The following HAPLN1 variants were observed in gnomAD, a reference collection of about 807,000 sequenced individuals.
The protein encoded by HAPLN1 is hyaluronan and proteoglycan link protein 1.
Under a neutral mutation model 36.5 loss-of-function variants are expected in HAPLN1, and 13 were observed. That is an observed-to-expected ratio of 0.36 (90% CI 0.23 to 0.57). HAPLN1 has a LOEUF of 0.57. Among genes scored for constraint, HAPLN1 ranks in the 20% least tolerant of loss-of-function variants. The pLI is 0.83. For synonymous variants in HAPLN1, 202 were observed against 169.8 expected (o/e 1.19, Z -1.48); for missense variants, 407 against 439.7 (o/e 0.93, Z 0.66).
chr5:83,699,575 A>C (rs1336794709), intron 1 of HAPLN1, among the ~76,000 whole-genome samples: 1 of 152,212 alleles, frequency 6.6e-6, no homozygotes, highest in Non-Finnish European at 1.5e-5. Flanking sequence ...GTATGCTTAC[A>C]TGTTTTTCCA....
intron 2 of HAPLN1, among the ~76,000 whole-genome samples, chr5:83,662,152 C>A (rs550603272): frequency 6.6e-6 from 1 of 152,288 alleles, no homozygotes; most frequent in African/African-American, 2.4e-5. Flanking sequence ...ATCTGCCCCC[C>A]TCGGCCTCCC....
intron 1 of HAPLN1, among the ~76,000 whole-genome samples, chr5:83,718,892 T>A (rs1751967058): frequency 6.6e-6 from 1 of 152,216 alleles, no homozygotes; most frequent in Non-Finnish European, 1.5e-5. Context: ...TTGTTCATCT[T>A]TACAAAGATG....
intron 1 of HAPLN1, among the ~76,000 whole-genome samples, chr5:83,700,237 C>T (rs1022461513): frequency 1.4e-5 from 2 of 147,594 alleles, no homozygotes; most frequent in Admixed American, 6.8e-5. Flanking sequence ...ACCACCACAA[C>T]AAAAATTACA....
In HAPLN1 at chr5:83,672,443, C is replaced by T. The variant is rs565556911; in HGVS notation, c.100+981G>A. On this transcript the variant is annotated intron_variant, in intron 2 of 4. Transcript: ENST00000274341. ...AAAAAATAAAGCTGTTGGAAGCAAACAAAACTAAAAGAGATGTGTCTAAAA... is the reference window on the plus strand; with the variant it reads ...AAAAAATAAAGCTGTTGGAAGCAAATAAAACTAAAAGAGATGTGTCTAAAA... Among the ~76,000 whole-genome samples, 204 of 152,152 alleles carry T rather than the reference C, an allele frequency of 1.3e-3. 2 individuals carry two copies. The highest frequency in any genetic ancestry group is 4.6e-3 in the African/African-American group (191 of 41,514).
At chr5:83,709,780 A>T (rs1050159174) in intron 1 of HAPLN1, among the ~76,000 whole-genome samples, 5 of 152,242 alleles carry the variant, frequency 3.3e-5, no homozygotes, top group Non-Finnish European at 5.9e-5. Flanking sequence ...ACACTTTAGA[A>T]CAGTGACTCT....
chr5:83,714,136 C>CGCAACA (rs1386615013), intron 1 of HAPLN1, among the ~76,000 whole-genome samples: 1 of 152,074 alleles, frequency 6.6e-6, no homozygotes, highest in East Asian at 1.9e-4. Context: ...ACACCAACAG[C>CGCAACA]GGCAACAGGA....
At chr5:83,717,088 T>G (rs573306229) in intron 1 of HAPLN1, among the ~76,000 whole-genome samples, 1 of 152,238 alleles carries the variant, frequency 6.6e-6, no homozygotes, top group East Asian at 1.9e-4. Flanking sequence ...TTTAAGGACC[T>G]CTGACTTTTA....
Position 83,680,419 on chromosome 5 carries a change from C to T in HAPLN1, c.-26-6870G>A, listed in dbSNP as rs551905034. Among the ~76,000 whole-genome samples the T allele has an allele frequency of 1.3e-3, 193 of 152,164 alleles. 2 individuals carry two copies. Among genetic ancestry groups the T allele is most frequent in the Admixed American group, 3.3e-4 (5 of 15,286 alleles). On this transcript the variant is annotated intron_variant, in intron 1 of 4. Coordinates refer to ENST00000274341, the MANE Select transcript of HAPLN1 (RefSeq NM_001884.4). ...AATGCAGGGACCACATATTTCTTGC[C>T]TCTGAGTAACTAAAAGTCTGGAATA...
intron 1 of HAPLN1, among the ~76,000 whole-genome samples, chr5:83,675,978 C>G (rs1050342064): frequency 1.1e-4 from 17 of 152,160 alleles, no homozygotes; most frequent in Admixed American, 3.3e-4. Context: ...TAACTTACAA[C>G]TATGATCTTA....
chr5:83,652,824 G>A lies in HAPLN1; in HGVS notation c.101C>T (p.Ala34Val). The change falls in exon 3 of 5, where the codon GCA becomes GTA. Residue 34 changes from alanine to valine, a missense_variant and splice_region_variant. Coordinates refer to ENST00000274341, the MANE Select transcript of HAPLN1 (RefSeq NM_001884.4). ...CACAAGTAGATGGGGGCCATTTTCT[G>A]CTATAATTAAAAAGGAAAAAAAAAA... ...LDHDRAIHIQAENGPHLLVEA... is the reference protein window; with the variant it reads ...LDHDRAIHIQVENGPHLLVEA... The A allele has an allele frequency of 6.4e-7, 1 of 1,551,540 alleles. No individual in the cohort carries two copies. The highest frequency in any genetic ancestry group is 8.7e-7 in the Non-Finnish European group (1 of 1,150,580).
chr5:83,676,444 T>C (rs1229858869), intron 1 of HAPLN1, among the ~76,000 whole-genome samples: 3 of 152,096 alleles, frequency 2.0e-5, no homozygotes, highest in Admixed American at 1.3e-4. Flanking sequence ...CCAGTAGACA[T>C]GAAACTAGAA....
intron 3 of HAPLN1, among the ~76,000 whole-genome samples, chr5:83,648,886 T>C (rs1318908976): frequency 6.6e-6 from 1 of 152,246 alleles, no homozygotes; most frequent in Non-Finnish European, 1.5e-5. Flanking sequence ...CTCTTATGCA[T>C]ATAATCTGCT....
At chr5:83,652,849 A>AG in intron 2 of HAPLN1, 25 bp from the exon 3 acceptor site, 1 of 1,527,052 alleles carries the variant, frequency 6.5e-7, no homozygotes, top group Non-Finnish European at 8.8e-7. Context: ...GAAAAAAAAA[A>AG]GAAAATAACT....
chr5:83,683,431 C>T (rs1320023685), intron 1 of HAPLN1, among the ~76,000 whole-genome samples: 6 of 152,182 alleles, frequency 3.9e-5, no homozygotes, highest in Admixed American at 2.6e-4. Context: ...AAAAACTAAG[C>T]TTCTCTCTTC....
chr5:83,646,711 G>A (rs1324013787), intron 3 of HAPLN1, among the ~76,000 whole-genome samples: 1 of 152,236 alleles, frequency 6.6e-6, no homozygotes, highest in African/African-American at 2.4e-5. Context: ...AGGGGTGAGG[G>A]AAGGCCTGGA....
intron 3 of HAPLN1, 87 bp from the exon 4 acceptor site, chr5:83,644,752 C>G (rs1484143494): frequency 2.1e-6 from 2 of 963,896 alleles, no homozygotes; most frequent in Non-Finnish European, 2.8e-6. Flanking sequence ...AAAAACCTAA[C>G]AGACCCTCCA....
At chr5:83,710,736 A>G (rs191063966) in intron 1 of HAPLN1, among the ~76,000 whole-genome samples, 38 of 152,336 alleles carry the variant, frequency 2.5e-4, no homozygotes, top group African/African-American at 8.4e-4. Flanking sequence ...GGATGACCCA[A>G]GGTCAGGATT....
At chr5:83,643,282 G>A (rs1053062702) in intron 4 of HAPLN1, among the ~76,000 whole-genome samples, 6 of 151,402 alleles carry the variant, frequency 4.0e-5, no homozygotes, top group Admixed American at 3.9e-4. Context: ...CCAGGGAGGT[G>A]GAGGTTGCAG....
chr5:83,710,149 C>T (rs1161107461), intron 1 of HAPLN1, among the ~76,000 whole-genome samples: 1 of 152,138 alleles, frequency 6.6e-6, no homozygotes, highest in African/African-American at 2.4e-5. Context: ...GAGTCGCCAG[C>T]ACATAGCTGA....
Sources: gnomAD v4.1 joint callset for allele counts (sites outside exome capture counted in the v4.1 genomes callset) on GRCh38, gnomAD v4.1.1 for gene constraint, MANE v1.5 for transcripts, NCBI Gene and HGNC (gene_info 2026-07-23, HGNC 2026-07-21) for gene names.